PPP1R12C: variants seen among roughly 807,000 people sequenced by gnomAD.
The protein encoded by PPP1R12C is leukocyte receptor cluster (LRC) encoded novel gene 3.
PPP1R12C carries 48 observed loss-of-function variants against 95.6 expected under a neutral mutation model. The ratio of observed to expected loss-of-function variants is 0.50; its 90% confidence interval spans 0.40 to 0.64. The LOEUF (loss-of-function observed/expected upper bound fraction) is 0.64. Ranked by LOEUF, PPP1R12C falls within the 30% of genes least tolerant of loss-of-function variation. PPP1R12C has a pLI of 0.00. For missense variants in PPP1R12C, 1,057 were observed against 1,083.3 expected (o/e 0.98, Z 0.34); for synonymous variants, 480 against 460.8 (o/e 1.04, Z -0.53).
Position 55,109,255 on chromosome 19 carries a change from C to T in PPP1R12C, c.571+3212G>A, listed in dbSNP as rs952668069. ...AGCTGGGAGCGTACGTGCATTCCCACGCCTGGCTAATGTGTTTTGTTTTAT... is the reference window on the plus strand; with the variant it reads ...AGCTGGGAGCGTACGTGCATTCCCATGCCTGGCTAATGTGTTTTGTTTTAT... On this transcript the variant is annotated intron_variant, in intron 3 of 21. Coordinates refer to ENST00000263433, the MANE Select transcript of PPP1R12C (RefSeq NM_017607.4). The surrounding 1 kb of genome is among the most constrained non-coding windows in gnomAD (Gnocchi z 4.4). 2.0e-5 allele frequency among the ~76,000 whole-genome samples: 3 copies of T among 152,194 alleles called. No homozygotes were observed. The highest frequency in any genetic ancestry group is 2.1e-4 in the South Asian group (1 of 4,830).
Position 55,094,660 on chromosome 19 carries a change from C to T in PPP1R12C, c.1592+1G>A. 2 of 1,586,092 alleles carry T rather than the reference C, an allele frequency of 1.3e-6. No individual in the cohort carries two copies. Among genetic ancestry groups the T allele is most frequent in the Non-Finnish European group, 8.5e-7 (1 of 1,170,446 alleles). On this transcript the variant is annotated splice_donor_variant, in intron 12 of 21. Coordinates refer to ENST00000263433, the MANE Select transcript of PPP1R12C (RefSeq NM_017607.4). LOFTEE classifies it high-confidence loss of function. ...GCAGCTTCCTGCCCTGGCCTCTTCA[C>T]CTCCGTCGGTCCCGGGAGTCCGCTG... is the stretch of plus-strand genomic sequence containing the variant.
At chr19:55,107,595 C>A (rs975165979) in intron 3 of PPP1R12C, among the ~76,000 whole-genome samples, 2 of 150,730 alleles carry the variant, frequency 1.3e-5, no homozygotes, top group Non-Finnish European at 2.9e-5. Context: ...CAAACTATCG[C>A]AAGGACAGAA....
At chr19:55,097,138 C>T (rs371662548) in intron 6 of PPP1R12C, 12 of 226,900 alleles carry the variant, frequency 5.3e-5, no homozygotes, top group East Asian at 2.5e-4. Flanking sequence ...CCCTTCCCCA[C>T]GCAGTTCACC....
At chr19:55,101,432 G>A (rs2084977855) in intron 4 of PPP1R12C, among the ~76,000 whole-genome samples, 1 of 152,162 alleles carries the variant, frequency 6.6e-6, no homozygotes, top group South Asian at 2.1e-4. Context: ...GCCGGACACA[G>A]GCCACCCAGC....
chr19:55,116,981 G>A (rs1179484726), intron 1 of PPP1R12C, among the ~76,000 whole-genome samples: 1 of 152,192 alleles, frequency 6.6e-6, no homozygotes, highest in Non-Finnish European at 1.5e-5. Context: ...GGAGGCCTGG[G>A]GCAGAGTGGT....
intron 11 of PPP1R12C, 166 bp from the exon 12 acceptor site, chr19:55,094,964 G>A (rs1289622350): frequency 1.1e-5 from 9 of 824,068 alleles, no homozygotes; most frequent in Admixed American, 2.3e-5. Flanking sequence ...AGCACACTAC[G>A]CAACCGGTCA....
In PPP1R12C at chr19:55,115,325, T is replaced by C. The variant is rs1440109342; in HGVS notation, c.321+1898A>G. 4 of 151,982 alleles carry C rather than the reference T, an allele frequency of 2.6e-5. No individual in the cohort carries two copies. The East Asian group carries it at 7.7e-4, about 29-fold the overall frequency. The allele number at this position is 151,982 out of a possible 1,614,324, so 9.4% of individuals were successfully genotyped here. On this transcript the variant is annotated intron_variant, in intron 1 of 21. Coordinates refer to ENST00000263433, the MANE Select transcript of PPP1R12C (RefSeq NM_017607.4). The stretch of plus-strand genomic sequence containing the variant: ...TGACGCACGGAGGAACAATATAAAT[T>C]GGGGACTAGAAAGGTGAAGAGCCAA...
chr19:55,100,602 T>C (rs575717123), intron 4 of PPP1R12C, among the ~76,000 whole-genome samples: 21 of 152,356 alleles, frequency 1.4e-4, no homozygotes, highest in Non-Finnish European at 2.9e-4. Flanking sequence ...CAAATGTTTT[T>C]TTGTTTTGTT....
chr19:55,102,977 G>A (rs1251774723), intron 4 of PPP1R12C, among the ~76,000 whole-genome samples: 2 of 152,172 alleles, frequency 1.3e-5, no homozygotes, highest in Non-Finnish European at 2.9e-5. Context: ...TGAGGTAGGA[G>A]GATCACTTGA....
intron 3 of PPP1R12C, 163 bp downstream of exon 3, chr19:55,112,304 C>T (rs2085104865): frequency 3.2e-6 from 2 of 633,752 alleles, no homozygotes; most frequent in Non-Finnish European, 5.4e-6. Context: ...TGGAGGCAGG[C>T]CCCTACACCC....
chr19:55,104,341 C>G (rs1254062762), intron 3 of PPP1R12C, among the ~76,000 whole-genome samples: 1 of 149,932 alleles, frequency 6.7e-6, no homozygotes, highest in Non-Finnish European at 1.5e-5. Context: ...ATATATATCT[C>G]TCCTATATAT....
chr19:55,096,225 G>A, intron 7 of PPP1R12C, 37 bp downstream of exon 7: 2 of 1,613,322 alleles, frequency 1.2e-6, no homozygotes, highest in African/African-American at 1.3e-5. Context: ...GGGGCCTCCA[G>A]CCACCCCGCC....
At chr19:55,097,980 C>G (rs999176766) in intron 6 of PPP1R12C, among the ~76,000 whole-genome samples, 3 of 152,178 alleles carry the variant, frequency 2.0e-5, no homozygotes, top group African/African-American at 4.8e-5. Flanking sequence ...CCCACACTTG[C>G]CCCCCAGCCT....
At chr19:55,097,363 C>T (rs796621393) in intron 6 of PPP1R12C, among the ~76,000 whole-genome samples, 41 of 91,872 alleles carry the variant, frequency 4.5e-4, no homozygotes, top group South Asian at 2.0e-3. Context: ...GCCCCTTCCC[C>T]GCAGTTCACC....
At chr19:55,094,928 A>G in intron 11 of PPP1R12C, 130 bp from the exon 12 acceptor site, 2 of 1,109,948 alleles carry the variant, frequency 1.8e-6, no homozygotes, top group Non-Finnish European at 1.3e-6. Context: ...GAAATACACA[A>G]AACCCACAAA....
chr19:55,113,698 G>A (rs779145477), intron 1 of PPP1R12C: 170 of 923,816 alleles, frequency 1.8e-4, no homozygotes, highest in Admixed American at 4.4e-4. Flanking sequence ...TGGAGGAGGC[G>A]GGAGGGAGCT....
At chr19:55,111,600 C>A (rs960448011) in intron 3 of PPP1R12C, 1 of 152,082 alleles carries the variant, frequency 6.6e-6, no homozygotes, top group African/African-American at 2.4e-5. Flanking sequence ...CCTGAACCCA[C>A]GCGGAATCCT....
chr19:55,099,159 G>C, intron 4 of PPP1R12C, 64 bp from the exon 5 acceptor site: 1 of 1,446,318 alleles, frequency 6.9e-7, no homozygotes, highest in Non-Finnish European at 9.1e-7. Flanking sequence ...GGCTGATTTC[G>C]GCCAGCGGTT....
intron 3 of PPP1R12C, 81 bp downstream of exon 3, chr19:55,112,386 A>C (rs993398557): frequency 7.7e-7 from 1 of 1,299,474 alleles, no homozygotes; most frequent in Non-Finnish European, 1.1e-6. Context: ...CTCGGTGCCC[A>C]GGCCGCCTCT....
Sources: allele counts gnomAD v4.1 joint callset (sites outside exome capture counted in the v4.1 genomes callset), GRCh38; gene constraint gnomAD v4.1.1; non-coding constraint Gnocchi (gnomAD v3.1); transcripts MANE v1.5; gene names NCBI Gene and HGNC (gene_info 2026-07-23, HGNC 2026-07-21).